The following MAP2K6 variants were observed in gnomAD, a reference collection of about 807,000 sequenced individuals.
MAP2K6 encodes dual specificity mitogen-activated protein kinase kinase 6.
Under a neutral mutation model 53.7 loss-of-function variants are expected in MAP2K6, and 16 were observed. The ratio of observed to expected loss-of-function variants is 0.30; its 90% CI spans 0.20 to 0.45. The LOEUF is 0.45. MAP2K6 is among the 20% of genes least tolerant of loss of function. MAP2K6 has a pLI of 1.00. For missense variants in MAP2K6, 204 were observed against 411.9 expected, an observed-to-expected ratio of 0.50 and a Z score of 4.37; for synonymous variants, 132 against 143.1, an observed-to-expected ratio of 0.92 and a Z score of 0.55.
In MAP2K6 at chr17:69,545,357, G is replaced by A. The variant is rs1428240403; in HGVS notation, c.*3604G>A. Reference sequence around the variant, plus strand: ...TCTATGATTGAAGGTCCTGATGTGGGGGAATAATCTATTTTTTCTAAAGAC... The same window carrying A: ...TCTATGATTGAAGGTCCTGATGTGGAGGAATAATCTATTTTTTCTAAAGAC... On this transcript the variant is annotated 3_prime_UTR_variant, in exon 12 of 12. Transcript: ENST00000590474. The A allele has an allele frequency of 6.6e-6, 1 of 152,150 alleles. No homozygotes were observed. The highest frequency in any genetic ancestry group is 1.5e-5 in the Non-Finnish European group (1 of 68,032). The allele number at this position is 152,150 out of a possible 1,614,324, so 9.4% of individuals were successfully genotyped here.
At chr17:69,506,539 A>C (rs1213599700) in intron 2 of MAP2K6, among the ~76,000 whole-genome samples, 1 of 152,072 alleles carries the variant, frequency 6.6e-6, no homozygotes, top group Non-Finnish European at 1.5e-5. Flanking sequence ...GGAAACTCAC[A>C]ATAGAGGTGT....
At chr17:69,462,058 C>T (rs1907639353) in intron 1 of MAP2K6, among the ~76,000 whole-genome samples, 1 of 152,186 alleles carries the variant, frequency 6.6e-6, no homozygotes, top group African/African-American at 2.4e-5. Flanking sequence ...GGACGAATTA[C>T]AGACATTCGG....
At chr17:69,496,186 G>A (rs998169902) in intron 1 of MAP2K6, among the ~76,000 whole-genome samples, 2 of 151,870 alleles carry the variant, frequency 1.3e-5, no homozygotes, top group African/African-American at 2.4e-5. Flanking sequence ...TGGACAGGCT[G>A]GCTCATTCTT....
intron 1 of MAP2K6, among the ~76,000 whole-genome samples, chr17:69,428,956 ACACG>A (rs1452245832): frequency 6.7e-6 from 1 of 150,140 alleles, no homozygotes; most frequent in Non-Finnish European, 1.5e-5. Context: ...ACACACACAC[ACACG>A]TTGTTGTATT....
intron 10 of MAP2K6, among the ~76,000 whole-genome samples, chr17:69,531,818 G>A (rs1398766499): frequency 1.3e-5 from 2 of 152,094 alleles, no homozygotes; most frequent in Non-Finnish European, 2.9e-5. Context: ...GAGTTCTTGA[G>A]TTGGGTTGTG....
At chr17:69,488,826 C>T (rs941286098) in intron 1 of MAP2K6, among the ~76,000 whole-genome samples, 6 of 152,128 alleles carry the variant, frequency 3.9e-5, no homozygotes, top group Non-Finnish European at 7.4e-5. Context: ...TATTCACTAC[C>T]TGGGTGATGA....
At chr17:69,522,237 T>C (rs1035360300) in intron 7 of MAP2K6, among the ~76,000 whole-genome samples, 3 of 152,164 alleles carry the variant, frequency 2.0e-5, no homozygotes, top group South Asian at 2.1e-4. Context: ...TTATTGTTAG[T>C]TGTTATTATT....
At chr17:69,486,623 A>G (rs1184883549) in intron 1 of MAP2K6, among the ~76,000 whole-genome samples, 1 of 152,222 alleles carries the variant, frequency 6.6e-6, no homozygotes, top group African/African-American at 2.4e-5. Flanking sequence ...CACACATGAT[A>G]CAAACAGCAC....
At chr17:69,541,187 C>T (rs551672648) in intron 11 of MAP2K6, among the ~76,000 whole-genome samples, 14 of 152,096 alleles carry the variant, frequency 9.2e-5, no homozygotes, top group African/African-American at 2.9e-4. Flanking sequence ...CACTTGAACC[C>T]GGGAGGCAGA....
rs183011507 is a variant in MAP2K6, at chr17:69,541,644, T to C, written c.928-32T>C. ...TCATATATTGATTGTCAGTAAGACA[T>C]TAATACCATGTTTTTTCTTTTTCTT... On this transcript the variant is annotated intron_variant, in intron 11 of 11. Transcript: ENST00000590474. 1.8e-5 allele frequency: 28 copies of C among 1,523,940 alleles called. No individual in the cohort carries two copies. The African/African-American group carries it at 3.5e-4, about 19-fold the overall frequency. 94.4% of individuals were successfully genotyped at this position (1,523,940 alleles called of 1,614,324 possible).
At chr17:69,473,397 T>C (rs1324490095) in intron 1 of MAP2K6, among the ~76,000 whole-genome samples, 2 of 152,188 alleles carry the variant, frequency 1.3e-5, no homozygotes, top group East Asian at 3.8e-4. Context: ...TCTATATCTA[T>C]GCAAGCATAT....
chr17:69,510,376 G>A (rs1269085720), intron 2 of MAP2K6, among the ~76,000 whole-genome samples: 1 of 151,956 alleles, frequency 6.6e-6, no homozygotes, highest in Non-Finnish European at 1.5e-5. Flanking sequence ...GAGGATTTTT[G>A]TTTCTAGGCT....
intron 1 of MAP2K6, among the ~76,000 whole-genome samples, chr17:69,493,019 C>T (rs1908808017): frequency 6.6e-6 from 1 of 151,988 alleles, no homozygotes; most frequent in Non-Finnish European, 1.5e-5. Flanking sequence ...AGAAAGAATT[C>T]TCTTAAAGTG....
chr17:69,495,028 A>C (rs1375546970), intron 1 of MAP2K6, among the ~76,000 whole-genome samples: 1 of 151,642 alleles, frequency 6.6e-6, no homozygotes, highest in Admixed American at 6.6e-5. Flanking sequence ...AAAACCAAAA[A>C]ACAAAACAAA....
intron 1 of MAP2K6, among the ~76,000 whole-genome samples, chr17:69,448,026 G>T (rs1170503786): frequency 6.6e-6 from 1 of 152,170 alleles, no homozygotes; most frequent in Non-Finnish European, 1.5e-5. Flanking sequence ...GGGTAGAGAT[G>T]AAGGGAAGTC....
chr17:69,502,186 G>A, intron 1 of MAP2K6: 2 of 985,456 alleles, frequency 2.0e-6, no homozygotes, highest in Non-Finnish European at 2.4e-6. Flanking sequence ...CCTTCCTGAA[G>A]CTGCAATTTC....
At chr17:69,535,985 A>G in intron 10 of MAP2K6, 130 bp from the exon 11 acceptor site, 1 of 649,072 alleles carries the variant, frequency 1.5e-6, no homozygotes, top group Non-Finnish European at 2.8e-6. Flanking sequence ...AGGAAAGTCA[A>G]GATAGGAGGC....
chr17:69,476,365 G>T (rs368436729), intron 1 of MAP2K6, among the ~76,000 whole-genome samples: 1 of 152,158 alleles, frequency 6.6e-6, no homozygotes, highest in Non-Finnish European at 1.5e-5. Context: ...GGGCCGGGGC[G>T]TGAATCAAGG....
At chr17:69,449,333 C>T (rs534914344) in intron 1 of MAP2K6, among the ~76,000 whole-genome samples, 2 of 151,510 alleles carry the variant, frequency 1.3e-5, no homozygotes, top group East Asian at 3.9e-4. Context: ...TATGTAAAGG[C>T]TTTAAAAAAG....
Sources: gnomAD v4.1 joint callset for allele counts (sites outside exome capture counted in the v4.1 genomes callset) on GRCh38, gnomAD v4.1.1 for gene constraint, MANE v1.5 for transcripts, NCBI Gene and HGNC (gene_info 2026-07-23, HGNC 2026-07-21) for gene names.